Variants in ALDH1A3 observed in about 807,000 individuals in gnomAD.
ALDH1A3 encodes the protein aldehyde dehydrogenase 1 family member A3.
Under a neutral mutation model 57.5 loss-of-function variants are expected in ALDH1A3, and 28 were observed. The observed-to-expected ratio is 0.49, with a 90% CI of 0.36 to 0.67. The LOEUF (loss-of-function observed/expected upper bound fraction) is 0.67, where lower values mean the gene tolerates loss of function less well. ALDH1A3 is among the 30% of genes least tolerant of loss of function. ALDH1A3 has a pLI of 0.00. For missense variants in ALDH1A3, 507 were observed against 669.4 expected, an observed-to-expected ratio of 0.76 and a Z score of 2.68; for synonymous variants, 281 against 264.8, an observed-to-expected ratio of 1.06 and a Z score of -0.59.
At chr15:100,885,443 CT>C in intron 2 of ALDH1A3, 72 bp downstream of exon 2, 1 of 1,208,684 alleles carries the variant, frequency 8.3e-7, no homozygotes, top group Non-Finnish European at 1.2e-6. Context: ...AACGGTTCGG[CT>C]TAGCTATAAG....
At position 100,879,946 on chromosome 15, in the gene ALDH1A3, G is replaced by A. The variant is rs1231655696; in HGVS notation, c.39G>A (p.Pro13=). The A allele has an allele frequency of 3.4e-6, 5 of 1,471,782 alleles. No homozygotes were observed. The African/African-American group carries it at 4.4e-5, about 13-fold the overall frequency. The allele number at this position is 1,471,782 out of a possible 1,614,324, so 91.2% of individuals were successfully genotyped here. A position where few individuals can be genotyped will look rare whatever the true frequency, so the allele number is the denominator to read the frequency against. Residue 13 remains proline, a synonymous_variant, in exon 1 of 13, where the codon CCG becomes CCA. Transcript: ENST00000329841. ...TANGAVENGQ[P]DRKPPALPRP... ...ACGGGGCCGTGGAAAACGGGCAGCC[G>A]GACAGGAAGCCGCCGGCCCTGCCGC...
chr15:100,897,488 C>G (rs1004214644), intron 7 of ALDH1A3, among the ~76,000 whole-genome samples: 1 of 152,252 alleles, frequency 6.6e-6, no homozygotes, highest in Non-Finnish European at 1.5e-5. Flanking sequence ...AGTGGCTTTT[C>G]TGCTCATAGC....
In ALDH1A3 at chr15:100,894,179, T is replaced by C; in HGVS notation, c.666+97T>C. ...ACGAGATGGGACAGTGGCAGACTGCTGGCAATCGAGTGGGAAGGGAATGAC... is the reference window on the plus strand; with the variant it reads ...ACGAGATGGGACAGTGGCAGACTGCCGGCAATCGAGTGGGAAGGGAATGAC... On this transcript the variant is annotated intron_variant, in intron 6 of 12. Transcript: ENST00000329841. This position sits in a 1 kb window ranked among gnomAD's most constrained non-coding sequence, Gnocchi z 4.5. 2.1e-6 allele frequency: 3 copies of C among 1,458,612 alleles called. No individual in the cohort carries two copies. The highest frequency in any genetic ancestry group is 2.8e-6 in the Non-Finnish European group (3 of 1,073,034). 90.4% of individuals were successfully genotyped at this position (1,458,612 alleles called of 1,614,324 possible).
In ALDH1A3 at chr15:100,887,682, C is replaced by T; in HGVS notation, c.315C>T (p.Asp105=). ...SRGRLLHQLA[D]LVERDRATLA... The stretch of plus-strand genomic sequence containing the variant: ...GGCGGCTGCTGCACCAGCTGGCTGA[C>T]CTGGTGGAGAGGGACCGCGCCACCT... Residue 105 remains aspartate (D), a synonymous_variant, in exon 3 of 13, where the codon GAC becomes GAT. Coordinates refer to ENST00000329841, the MANE Select transcript of ALDH1A3 (RefSeq NM_000693.4). This position sits in a 1 kb window ranked among gnomAD's most constrained non-coding sequence, Gnocchi z 4.6. 2 of 1,610,532 alleles carry T rather than the reference C, an allele frequency of 1.2e-6. No homozygotes were observed. Among genetic ancestry groups the T allele is most frequent in the Non-Finnish European group, 1.7e-6 (2 of 1,178,338 alleles).
At position 100,914,684 on chromosome 15, in the gene ALDH1A3, C is replaced by G. The variant is rs767351308; in HGVS notation, c.1467-17C>G. On this transcript the variant is annotated splice_polypyrimidine_tract_variant and intron_variant, in intron 12 of 12. Coordinates refer to ENST00000329841, the MANE Select transcript of ALDH1A3 (RefSeq NM_000693.4). Reference sequence around the variant, plus strand: ...GGATGTACCCATTTTGAATTTTCCTCTTTTCTGTGATCACAGAGGTGAATA... The same window carrying G: ...GGATGTACCCATTTTGAATTTTCCTGTTTTCTGTGATCACAGAGGTGAATA... The G allele has an allele frequency of 8.1e-6, 13 of 1,613,124 alleles. No homozygotes were observed. The South Asian group carries it at 1.2e-4, about 15-fold the overall frequency.
In ALDH1A3 at chr15:100,884,186, C is replaced by T. The variant is rs117853844; in HGVS notation, c.100-1081C>T. On this transcript the variant is annotated intron_variant, in intron 1 of 12. Transcript: ENST00000329841. Reference sequence around the variant, plus strand: ...TTTGTGTGTCTTCTGGCTGGGCAGCCGGGGACCTCCGTGCTGTCGGAATGT... The same window carrying T: ...TTTGTGTGTCTTCTGGCTGGGCAGCTGGGGACCTCCGTGCTGTCGGAATGT... Among the ~76,000 whole-genome samples the T allele has an allele frequency of 3.8e-3, 576 of 152,222 alleles. 10 individuals are homozygous for T. Among genetic ancestry groups the T allele is most frequent in the East Asian group, 0.023 (121 of 5,180 alleles).
At chr15:100,908,862 C>T (rs1330265951) in intron 12 of ALDH1A3, among the ~76,000 whole-genome samples, 1 of 152,158 alleles carries the variant, frequency 6.6e-6, no homozygotes, top group Non-Finnish European at 1.5e-5. Context: ...GCAGTGAAGA[C>T]AGGTAAGGCT....
chr15:100,890,929 G>T (rs1023838205), intron 3 of ALDH1A3, among the ~76,000 whole-genome samples: 6 of 152,340 alleles, frequency 3.9e-5, no homozygotes, highest in Admixed American at 3.9e-4. Flanking sequence ...CAACACTAGA[G>T]TATACTTGAT....
At position 100,894,204 on chromosome 15, in the gene ALDH1A3, C is replaced by A; in HGVS notation, c.666+122C>A. The A allele has an allele frequency of 7.7e-7, 1 of 1,300,746 alleles. No individual in the cohort carries two copies. Among genetic ancestry groups the A allele is most frequent in the Non-Finnish European group, 1.1e-6 (1 of 943,362 alleles). The allele number at this position is 1,300,746 out of a possible 1,614,324, so 80.6% of individuals were successfully genotyped here. ...TGGCAATCGAGTGGGAAGGGAATGA[C>A]TTCCAGTGTTTTGTTTGGCGACTGC... On this transcript the variant is annotated intron_variant, in intron 6 of 12. Coordinates refer to ENST00000329841, the MANE Select transcript of ALDH1A3 (RefSeq NM_000693.4). This position sits in a 1 kb window ranked among gnomAD's most constrained non-coding sequence, Gnocchi z 4.5.
rs148354067 is a variant in ALDH1A3 at position 100,908,591 on chromosome 15, C to T, written c.1466+109C>T. The T allele has an allele frequency of 4.0e-3, 3,970 of 985,226 alleles. 78 individuals are homozygous for T. The East Asian group carries it at 0.045, about 11-fold the overall frequency. 61.0% of individuals were successfully genotyped at this position (985,226 alleles called of 1,614,324 possible). A position where few individuals can be genotyped will look rare whatever the true frequency, so the allele number is the denominator to read the frequency against. ...TGCTGACACCCCGTCCCCCCCACAC[C>T]GCCGCTCTGTCTGGGCCAGCTGTGT... On this transcript the variant is annotated intron_variant, in intron 12 of 12. Coordinates refer to ENST00000329841, the MANE Select transcript of ALDH1A3 (RefSeq NM_000693.4).
At position 100,893,814 on chromosome 15, in the gene ALDH1A3, A is replaced by G. The variant is rs2041674879; in HGVS notation, c.538-140A>G. 1 of 1,169,610 alleles carries G rather than the reference A, an allele frequency of 8.5e-7. No homozygotes were observed. Among genetic ancestry groups the G allele is most frequent in the African/African-American group, 1.5e-5 (1 of 65,210 alleles). The allele number at this position is 1,169,610 out of a possible 1,614,324, so 72.5% of individuals were successfully genotyped here. ...GCTGTGCAGGATTGCAGTTCTGATC[A>G]TTGCACACTCCTATGTTACCCCACA... is the stretch of plus-strand genomic sequence containing the variant. On this transcript the variant is annotated intron_variant, in intron 5 of 12. Coordinates refer to ENST00000329841, the MANE Select transcript of ALDH1A3 (RefSeq NM_000693.4). This position sits in a 1 kb window ranked among gnomAD's most constrained non-coding sequence, Gnocchi z 4.8.
At chr15:100,914,569 T>C in intron 12 of ALDH1A3, 132 bp from the exon 13 acceptor site, 1 of 728,752 alleles carries the variant, frequency 1.4e-6, no homozygotes, top group Non-Finnish European at 2.3e-6. Flanking sequence ...TATTATTCCA[T>C]GAGGTCGTCA....
At chr15:100,885,420 C>A in intron 2 of ALDH1A3, 49 bp downstream of exon 2, 4 of 1,383,442 alleles carry the variant, frequency 2.9e-6, no homozygotes, top group Non-Finnish European at 4.1e-6. Flanking sequence ...TATGGATGAC[C>A]AAAGGATAAG....
Position 100,892,569 on chromosome 15 carries a change from G to A in ALDH1A3, c.405G>A (p.Glu135=). The part of the protein sequence containing the change: ...PFLHAFFIDL[E]GCIRTLRYFA... ...TTCATGCTTTTTTCATCGACCTGGA[G>A]GGCTGTATTAGAACCCTCAGATACT... Residue 135 remains glutamate, a synonymous_variant, in exon 4 of 13, where the codon GAG becomes GAA. Coordinates refer to ENST00000329841, the MANE Select transcript of ALDH1A3 (RefSeq NM_000693.4). The A allele has an allele frequency of 6.2e-7, 1 of 1,613,412 alleles. No homozygotes were observed. Among genetic ancestry groups the A allele is most frequent in the African/African-American group, 1.3e-5 (1 of 75,012 alleles).
chr15:100,897,394 C>T (rs1043266554), intron 7 of ALDH1A3, among the ~76,000 whole-genome samples: 1 of 151,308 alleles, frequency 6.6e-6, no homozygotes, highest in African/African-American at 2.4e-5. Context: ...GATAAGTCAC[C>T]GAGTCATGCT....
rs1367431064 is a variant in ALDH1A3 at position 100,879,978 on chromosome 15, T to C, written c.71T>C (p.Ile24Thr). 52 of 1,475,244 alleles carry C rather than the reference T, an allele frequency of 3.5e-5. No homozygotes were observed. Among genetic ancestry groups the C allele is most frequent in the Non-Finnish European group, 4.2e-5 (47 of 1,111,460 alleles). 91.4% of individuals were successfully genotyped at this position (1,475,244 alleles called of 1,614,324 possible). A position where few individuals can be genotyped will look rare whatever the true frequency, so the allele number is the denominator to read the frequency against. ...AAGCCGCCGGCCCTGCCGCGCCCCATCCGCAACCTGGAGGTCAAGTTCACC... is the reference window on the plus strand; with the variant it reads ...AAGCCGCCGGCCCTGCCGCGCCCCACCCGCAACCTGGAGGTCAAGTTCACC... Reference protein sequence around the residue: ...DRKPPALPRPIRNLEVKFTKI... With the variant: ...DRKPPALPRPTRNLEVKFTKI... The change falls in exon 1 of 13, where the codon ATC becomes ACC. Residue 24 changes from isoleucine to threonine, a missense_variant. Ile to Thr is a moderately conservative substitution (Grantham distance 89, BLOSUM62 -1). Coordinates refer to ENST00000329841, the MANE Select transcript of ALDH1A3 (RefSeq NM_000693.4).
intron 9 of ALDH1A3, among the ~76,000 whole-genome samples, chr15:100,904,414 C>T (rs4646680): frequency 0.1 from 15,950 of 152,156 alleles, 1,639 homozygotes; most frequent in African/African-American, 0.27. Context: ...GTGGCATGCA[C>T]GGTTTATGCC....
chr15:100,892,848 G>T, intron 4 of ALDH1A3, 97 bp from the exon 5 acceptor site: 1 of 1,402,214 alleles, frequency 7.1e-7, no homozygotes, highest in Non-Finnish European at 9.9e-7. Context: ...CTTGAATCTG[G>T]CACCCTTGTT....
At chr15:100,903,658 GTT>G (rs2041793341) in intron 9 of ALDH1A3, among the ~76,000 whole-genome samples, 2 of 152,298 alleles carry the variant, frequency 1.3e-5, no homozygotes. Context: ...AAGTTTGTCT[GTT>G]TCTTTACCCT....
Sources: gnomAD v4.1 joint callset for allele counts (sites outside exome capture counted in the v4.1 genomes callset) on GRCh38, gnomAD v4.1.1 for gene constraint, Gnocchi (gnomAD v3.1) non-coding constraint, MANE v1.5 for transcripts, NCBI Gene and HGNC (gene_info 2026-07-23, HGNC 2026-07-21) for gene names.